ZNG1E: variants seen among roughly 807,000 people sequenced by gnomAD.
ZNG1E encodes Zn regulated GTPase metalloprotein activator 1E.
chr9:65,693,580 C>G, the ZNG1E span: 7 of 759,966 alleles, frequency 9.2e-6, no homozygotes, highest in Non-Finnish European at 1.3e-5. Context: ...TTTTTTGAGA[C>G]AGAGTCTCAC....
At chr9:65,666,804 C>G in the ZNG1E span, among the ~76,000 whole-genome samples, 13 of 151,684 alleles carry the variant, frequency 8.6e-5, no homozygotes, top group African/African-American at 3.1e-4. Flanking sequence ...ATTCTGCTTA[C>G]TAACAGTTTC....
At chr9:65,666,854 G>A in the ZNG1E span, among the ~76,000 whole-genome samples, 51 of 152,084 alleles carry the variant, frequency 3.4e-4, no homozygotes, top group African/African-American at 1.2e-3. Context: ...GAGTTTCTCT[G>A]TTATCGCCCA....
the ZNG1E span, among the ~76,000 whole-genome samples, chr9:65,666,264 G>A: frequency 6.6e-6 from 1 of 150,486 alleles, no homozygotes; most frequent in Non-Finnish European, 1.5e-5. Context: ...AATCATGGGG[G>A]CAGGCCTTTC....
At chr9:65,659,223 C>T in the ZNG1E span, among the ~76,000 whole-genome samples, 4 of 151,928 alleles carry the variant, frequency 2.6e-5, no homozygotes, top group Non-Finnish European at 4.4e-5. Flanking sequence ...AGAGGCCAGG[C>T]ATGGTGGCTC....
chr9:65,709,478 A>T, the ZNG1E span, among the ~76,000 whole-genome samples: 2 of 119,944 alleles, frequency 1.7e-5, no homozygotes, highest in Non-Finnish European at 3.3e-5. Flanking sequence ...CATTAGTTAT[A>T]TCTCCCAATG....
chr9:65,685,271 T>C, the ZNG1E span, among the ~76,000 whole-genome samples: 3 of 152,270 alleles, frequency 2.0e-5, no homozygotes, highest in East Asian at 1.9e-4. Context: ...TTACTGAAGG[T>C]TGGGGTGGCT....
At chr9:65,657,463 C>T in the ZNG1E span, among the ~76,000 whole-genome samples, 1 of 152,400 alleles carries the variant, frequency 6.6e-6, no homozygotes, top group Admixed American at 6.5e-5. Flanking sequence ...TGAAATAAGC[C>T]AGGCCCAAAA....
the ZNG1E span, among the ~76,000 whole-genome samples, chr9:65,663,061 A>T: frequency 6.6e-6 from 1 of 152,250 alleles, no homozygotes; most frequent in South Asian, 2.1e-4. Flanking sequence ...GACACCAGCC[A>T]GGTAGGGCAA....
chr9:65,658,113 A>C, the ZNG1E span, among the ~76,000 whole-genome samples: 2 of 136,620 alleles, frequency 1.5e-5, no homozygotes, highest in African/African-American at 2.9e-5. Context: ...AAAAAAAAAA[A>C]AAACTTATGT....
chr9:65,665,065 A>T, the ZNG1E span, among the ~76,000 whole-genome samples: 1 of 152,262 alleles, frequency 6.6e-6, no homozygotes, highest in Non-Finnish European at 1.5e-5. Context: ...AGTTTGGAAA[A>T]TTTGCAGCCT....
chr9:65,699,615 T>G, the ZNG1E span, among the ~76,000 whole-genome samples: 47 of 46,446 alleles, frequency 1.0e-3, no homozygotes, highest in African/African-American at 4.4e-3. Flanking sequence ...TATAGCTTAT[T>G]TTTTTTAAGA....
chr9:65,668,229 C>T, the ZNG1E span, among the ~76,000 whole-genome samples: 6 of 151,938 alleles, frequency 3.9e-5, no homozygotes, highest in African/African-American at 1.4e-4. Flanking sequence ...TTAGTCTAAA[C>T]AGGAATATTC....
chr9:65,682,445 CATT>C, the ZNG1E span: 2 of 259,704 alleles, frequency 7.7e-6, no homozygotes, highest in Non-Finnish European at 1.5e-5. Flanking sequence ...TAAATTTTAT[CATT>C]ATTTTGTATG....
At chr9:65,691,450 C>G in the ZNG1E span, among the ~76,000 whole-genome samples, 29 of 152,102 alleles carry the variant, frequency 1.9e-4, no homozygotes, top group African/African-American at 6.3e-4. Context: ...AACTTTAATT[C>G]CTTGCATTGT....
At chr9:65,668,175 T>C in the ZNG1E span, among the ~76,000 whole-genome samples, 3 of 151,792 alleles carry the variant, frequency 2.0e-5, no homozygotes, top group Non-Finnish European at 4.4e-5. Context: ...TATAATTTTA[T>C]GAATGCACAT....
the ZNG1E span, among the ~76,000 whole-genome samples, chr9:65,680,902 C>T: frequency 6.6e-6 from 1 of 152,162 alleles, no homozygotes. Context: ...CATTCTCCTG[C>T]CTCAGCCGCC....
At chr9:65,712,642 A>C in the ZNG1E span, among the ~76,000 whole-genome samples, 6 of 107,288 alleles carry the variant, frequency 5.6e-5, no homozygotes, top group African/African-American at 1.9e-4. Context: ...CAGGTTGTTC[A>C]GTTTCCATGT....
the ZNG1E span, among the ~76,000 whole-genome samples, chr9:65,662,445 C>T: frequency 6.6e-6 from 1 of 152,224 alleles, no homozygotes; most frequent in Non-Finnish European, 1.5e-5. Context: ...ACGCTCATTA[C>T]CTGCTTTTGA....
chr9:65,728,203 A>T, the ZNG1E span, among the ~76,000 whole-genome samples: 2 of 152,290 alleles, frequency 1.3e-5, no homozygotes, highest in Non-Finnish European at 2.9e-5. Context: ...ACTGAATGAC[A>T]ATAATGACAC....
Sources: allele counts gnomAD v4.1 joint callset (sites outside exome capture counted in the v4.1 genomes callset), GRCh38; gene constraint gnomAD v4.1.1; transcripts MANE v1.5; gene names NCBI Gene and HGNC (gene_info 2026-07-23, HGNC 2026-07-21).